CNTNAP3: variants seen among roughly 807,000 people sequenced by gnomAD.
The protein encoded by CNTNAP3 is contactin associated protein family member 3.
CNTNAP3 carries 36 observed loss-of-function variants against 92.1 expected under a neutral mutation model. The ratio of observed to expected loss-of-function variants is 0.39; its 90% CI spans 0.30 to 0.52. CNTNAP3 has a LOEUF of 0.52. CNTNAP3 is among the 20% of genes least tolerant of loss of function. The pLI is 0.76. For missense variants in CNTNAP3, 534 were observed against 1,069.6 expected, an observed-to-expected ratio of 0.50 and a Z score of 6.98; for synonymous variants, 232 against 422.3, an observed-to-expected ratio of 0.55 and a Z score of 5.53.
At chr9:39,136,594 A>G (rs1022330337) in intron 12 of CNTNAP3, among the ~76,000 whole-genome samples, 2 of 152,056 alleles carry the variant, frequency 1.3e-5, no homozygotes, top group African/African-American at 4.8e-5. Context: ...TCCTCTGATT[A>G]TTTTTAAGAA....
At chr9:39,130,108 T>C (rs1029629164) in intron 13 of CNTNAP3, among the ~76,000 whole-genome samples, 1 of 152,162 alleles carries the variant, frequency 6.6e-6, no homozygotes, top group African/African-American at 2.4e-5. Flanking sequence ...AGTATGCAAT[T>C]ACCATATATG....
intron 11 of CNTNAP3, among the ~76,000 whole-genome samples, chr9:39,143,448 G>A (rs1231049399): frequency 2.0e-5 from 3 of 152,080 alleles, no homozygotes; most frequent in African/African-American, 4.8e-5. Context: ...AGCCAAGGCT[G>A]TGGAGCCAAC....
chr9:39,077,559 AAAACAAAC>A (rs200606454), intron 23 of CNTNAP3, among the ~76,000 whole-genome samples: 102 of 147,620 alleles, frequency 6.9e-4, no homozygotes, highest in African/African-American at 2.0e-3. Flanking sequence ...TCTGTCTCAA[AAAACAAAC>A]AAACAAACAA....
chr9:39,085,965 T>G (rs1826053725), intron 20 of CNTNAP3, 142 bp from the exon 21 acceptor site: 2 of 805,640 alleles, frequency 2.5e-6, no homozygotes, highest in Non-Finnish European at 2.1e-6. Flanking sequence ...CACCTTCAAA[T>G]AATTAATCAT....
At chr9:39,115,488 C>A (rs1820835327) in intron 14 of CNTNAP3, among the ~76,000 whole-genome samples, 1 of 124,218 alleles carries the variant, frequency 8.1e-6, no homozygotes, top group Admixed American at 8.5e-5. Flanking sequence ...CACCCCCCCA[C>A]CCCCATACAC....
intron 15 of CNTNAP3, among the ~76,000 whole-genome samples, chr9:39,104,200 A>G (rs1278743303): frequency 6.6e-6 from 1 of 152,104 alleles, no homozygotes; most frequent in East Asian, 1.9e-4. Flanking sequence ...GACAGGGTCA[A>G]GTTCAGAATC....
intron 15 of CNTNAP3, among the ~76,000 whole-genome samples, chr9:39,107,828 C>A (rs1387350617): frequency 6.6e-6 from 1 of 152,150 alleles, no homozygotes; most frequent in African/African-American, 2.4e-5. Flanking sequence ...ATAATAAAAA[C>A]CATTTTTTCT....
rs201642009 is a variant in CNTNAP3 at position 39,103,747 on chromosome 9, G to A, written c.2533C>T (p.Arg845Cys). 19 of 1,610,116 alleles carry A rather than the reference G, an allele frequency of 1.2e-5. No homozygotes were observed. Among genetic ancestry groups the A allele is most frequent in the South Asian group, 2.2e-5 (2 of 89,802 alleles). ...GITDFIRIEL[R>C]APTEVTFSFD... The stretch of plus-strand genomic sequence containing the variant: ...TTGTCCAGAGTGGCGAGCTTACCAC[G>A]CAGCTCAATCCTGATGAAATCTGTG... Residue 845 changes from arginine to cysteine, a missense_variant, in exon 16 of 24, where the codon CGT becomes TGT. By Grantham distance (180) the Arg-to-Cys change is radical. Coordinates refer to ENST00000297668, the MANE Select transcript of CNTNAP3 (RefSeq NM_033655.5).
intron 19 of CNTNAP3, among the ~76,000 whole-genome samples, chr9:39,087,677 G>A (rs1159900876): frequency 2.0e-5 from 3 of 152,188 alleles, no homozygotes; most frequent in East Asian, 1.9e-4. Flanking sequence ...TAGTAGAGAT[G>A]GGGTTTCACT....
chr9:39,073,774 C>T lies in CNTNAP3; in HGVS notation c.*116G>A. The T allele has an allele frequency of 2.5e-6, 4 of 1,595,444 alleles. No homozygotes were observed. The highest frequency in any genetic ancestry group is 3.4e-6 in the Non-Finnish European group (4 of 1,178,926). On this transcript the variant is annotated 3_prime_UTR_variant, in exon 24 of 24. Coordinates refer to ENST00000297668, the MANE Select transcript of CNTNAP3 (RefSeq NM_033655.5). ...CTTGTGTGCACCCTGATGGCAACAG[C>T]AGGGAAGTCCACAGTCACGATGATA...
chr9:39,113,558 C>G (rs1260804273), intron 14 of CNTNAP3, among the ~76,000 whole-genome samples: 1 of 151,696 alleles, frequency 6.6e-6, no homozygotes, highest in East Asian at 1.9e-4. Context: ...ATCATATTAT[C>G]TACAATATCT....
At chr9:39,084,622 C>G (rs563753823) in intron 21 of CNTNAP3, among the ~76,000 whole-genome samples, 1 of 152,186 alleles carries the variant, frequency 6.6e-6, no homozygotes, top group African/African-American at 2.4e-5. Context: ...TCTCTATTAG[C>G]CAACTTGTTG....
chr9:39,091,827 T>C (rs1826211118), intron 18 of CNTNAP3, among the ~76,000 whole-genome samples: 1 of 151,892 alleles, frequency 6.6e-6, no homozygotes, highest in Non-Finnish European at 1.5e-5. Flanking sequence ...ATTCTGATAG[T>C]TGATAGCATC....
Position 39,109,144 on chromosome 9 carries a change from T to C in CNTNAP3, c.2365+16A>G, listed in dbSNP as rs1006643837. ...AAGTTATTATGAAAATAAAGCTTTT[T>C]CTTGACACTACTTACGATCTCCGCG... On this transcript the variant is annotated intron_variant, in intron 15 of 23. Coordinates refer to ENST00000297668, the MANE Select transcript of CNTNAP3 (RefSeq NM_033655.5). The C allele has an allele frequency of 1.2e-6, 2 of 1,601,576 alleles. No individual in the cohort carries two copies. Among genetic ancestry groups the C allele is most frequent in the African/African-American group, 2.7e-5 (2 of 74,008 alleles).
In CNTNAP3 at chr9:39,144,245, T is replaced by C; in HGVS notation, c.1751A>G (p.His584Arg). 2 of 1,589,868 alleles carry C rather than the reference T, an allele frequency of 1.3e-6. No individual in the cohort carries two copies. Among genetic ancestry groups the C allele is most frequent in the Non-Finnish European group, 1.7e-6 (2 of 1,169,536 alleles). ...GAGGGAGGCGTGAGGCTTACAGGAA[T>C]GGCAGGTCTCGCCCGTATAGCCTGT... is the stretch of plus-strand genomic sequence containing the variant. ...LGTGYTGETC[H>R]SSLYEQSCEA... The change falls in exon 11 of 24, where the codon CAT (histidine) becomes CGT (arginine). Residue 584 changes from histidine (H) to arginine (R), a missense_variant. Physicochemically the swap from His to Arg is conservative, Grantham distance 29. Coordinates refer to ENST00000297668, the MANE Select transcript of CNTNAP3 (RefSeq NM_033655.5).
At chr9:39,086,169 T>TAA (rs1367392483) in intron 20 of CNTNAP3, 2 of 395,338 alleles carry the variant, frequency 5.1e-6, no homozygotes, top group Non-Finnish European at 9.3e-6. Context: ...ATCTGAAACA[T>TAA]AAAACCAAGC....
At chr9:39,075,640 G>T (rs1825742092) in intron 23 of CNTNAP3, among the ~76,000 whole-genome samples, 1 of 152,304 alleles carries the variant, frequency 6.6e-6, no homozygotes, top group Non-Finnish European at 1.5e-5. Context: ...GTCAGCAGAA[G>T]AATGTACAAA....
chr9:39,134,024 G>T (rs1821366350), intron 12 of CNTNAP3, among the ~76,000 whole-genome samples: 1 of 152,152 alleles, frequency 6.6e-6, no homozygotes, highest in Non-Finnish European at 1.5e-5. Flanking sequence ...AAAACAATGT[G>T]ATACATTTTA....
intron 12 of CNTNAP3, among the ~76,000 whole-genome samples, chr9:39,134,198 A>C (rs1821371193): frequency 1.3e-5 from 2 of 152,166 alleles, no homozygotes; most frequent in South Asian, 2.1e-4. Flanking sequence ...CTACTGAAAT[A>C]TCTCTTTAGT....
Sources: gnomAD v4.1 joint callset for allele counts (sites outside exome capture counted in the v4.1 genomes callset) on GRCh38, gnomAD v4.1.1 for gene constraint, MANE v1.5 for transcripts, NCBI Gene and HGNC (gene_info 2026-07-23, HGNC 2026-07-21) for gene names.